Variants in ATM observed in about 807,000 individuals in gnomAD.
ATM encodes the protein ATM serine/threonine kinase, also known as serine-protein kinase ATM.
Under a neutral mutation model 387.0 loss-of-function variants are expected in ATM, and 308 were observed. The ratio of observed to expected loss-of-function variants is 0.80; its 90% confidence interval spans 0.73 to 0.87. The LOEUF is 0.87. Ranked by LOEUF, ATM falls within the 40% of genes least tolerant of loss-of-function variation. The probability of loss-of-function intolerance (pLI) is 0.00; values close to 1 mark genes in which losing one functional copy is unlikely to be tolerated. For missense variants in ATM, 3,312 were observed against 3,560.9 expected (o/e 0.93, Z 1.78); for synonymous variants, 1,156 against 1,187.3 (o/e 0.97, Z 0.54).
intron 5 of ATM, among the ~76,000 whole-genome samples, chr11:108,243,658 C>T (rs1331543995): frequency 6.6e-6 from 1 of 152,128 alleles, no homozygotes; most frequent in Non-Finnish European, 1.5e-5. Context: ...ACTGTAAGTG[C>T]TTTCTTAGGC....
intron 61 of ATM, among the ~76,000 whole-genome samples, chr11:108,362,497 C>T (rs1463276594): frequency 6.7e-6 from 1 of 149,570 alleles, no homozygotes; most frequent in African/African-American, 2.4e-5. Context: ...GACACATGCA[C>T]ACGTATGTTT....
intron 25 of ATM, among the ~76,000 whole-genome samples, chr11:108,283,731 A>G: frequency 6.6e-6 from 1 of 152,146 alleles, no homozygotes; most frequent in South Asian, 2.1e-4. Flanking sequence ...CAAGTCACCA[A>G]GTTGGCCCTG....
At chr11:108,274,345 T>TTG (rs139847855) in intron 22 of ATM, among the ~76,000 whole-genome samples, 4 of 151,524 alleles carry the variant, frequency 2.6e-5, no homozygotes, top group African/African-American at 7.3e-5. Context: ...AAGGTTTTTT[T>TTG]TGTGTGTGTG....
chr11:108,303,893 C>T (rs540119230), intron 36 of ATM, among the ~76,000 whole-genome samples: 1 of 152,256 alleles, frequency 6.6e-6, no homozygotes, highest in African/African-American at 2.4e-5. Context: ...GTACACACCC[C>T]ATTTGTGGTA....
chr11:108,298,512 C>T (rs928388334), intron 33 of ATM, among the ~76,000 whole-genome samples: 1 of 152,198 alleles, frequency 6.6e-6, no homozygotes, highest in South Asian at 2.1e-4. Flanking sequence ...ACCTCCTTGT[C>T]CATAGTGGCA....
At chr11:108,258,273 A>G (rs968569506) in intron 15 of ATM, among the ~76,000 whole-genome samples, 1 of 152,250 alleles carries the variant, frequency 6.6e-6, no homozygotes, top group Non-Finnish European at 1.5e-5. Context: ...AATAAGCAAT[A>G]GGAATCTGAG....
At chr11:108,361,869 A>G (rs1237135761) in intron 61 of ATM, among the ~76,000 whole-genome samples, 58 of 151,492 alleles carry the variant, frequency 3.8e-4, no homozygotes, top group Non-Finnish European at 7.5e-4. Context: ...AGGCATTACC[A>G]TTCAGGACAT....
At chr11:108,292,529 G>A in intron 29 of ATM, 90 bp from the exon 30 acceptor site, 1 of 1,442,936 alleles carries the variant, frequency 6.9e-7, no homozygotes, top group Non-Finnish European at 9.7e-7. Flanking sequence ...AATTAGAGAT[G>A]CTGAACAAAA....
rs767516955 is a variant in ATM at position 108,287,677 on chromosome 11, T to C, written c.4071T>C (p.Ser1357=). ...TGACGTTACATGAGCCAGCAAATTC[T>C]AGTGCCAGTCAGAGCACTGACCTCT... is the stretch of plus-strand genomic sequence containing the variant. ...LLMTLHEPAN[S]SASQSTDLCD... is the part of the protein sequence containing the mutation. The change falls in exon 27 of 63, where the codon TCT becomes TCC. Residue 1357 remains serine (S), a synonymous_variant. Transcript: ENST00000675843. 2.3e-5 allele frequency: 37 copies of C among 1,613,748 alleles called. No homozygotes were observed. The highest frequency in any genetic ancestry group is 3.1e-5 in the Non-Finnish European group (37 of 1,179,908).
rs192810283 is a variant in ATM at position 108,271,407 on chromosome 11, G to T, written c.3077+1G>T. 1 of 1,613,936 alleles carries T rather than the reference G, an allele frequency of 6.2e-7. No individual in the cohort carries two copies. Among genetic ancestry groups the T allele is most frequent in the East Asian group, 2.2e-5 (1 of 44,836 alleles). The stretch of plus-strand genomic sequence containing the variant: ...TTCTTACAGTAATTGGAGCATTTTG[G>T]TAGGTACAGTCTATTTTGTGGTCCT... On this transcript the variant is annotated splice_donor_variant, in intron 20 of 62. Coordinates refer to ENST00000675843, the MANE Select transcript of ATM (RefSeq NM_000051.4). LOFTEE classifies it high-confidence loss of function.
chr11:108,293,621 C>T (rs1241223770), intron 31 of ATM, 144 bp downstream of exon 31: 1 of 753,976 alleles, frequency 1.3e-6, no homozygotes, highest in Non-Finnish European at 2.1e-6. Context: ...CACATTGGCT[C>T]ATGCCTATAA....
chr11:108,247,630 C>G (rs1048737249), intron 8 of ATM, among the ~76,000 whole-genome samples: 1 of 152,164 alleles, frequency 6.6e-6, no homozygotes, highest in Non-Finnish European at 1.5e-5. Flanking sequence ...GAGTCTTGCT[C>G]TGTCACCCAG....
At chr11:108,322,981 G>A (rs1591116496) in intron 45 of ATM, among the ~76,000 whole-genome samples, 1 of 151,928 alleles carries the variant, frequency 6.6e-6, no homozygotes, top group Non-Finnish European at 1.5e-5. Context: ...CATTTCTAAA[G>A]TCAGGGATTT....
chr11:108,355,064 C>CA (rs2089730753), intron 61 of ATM, 190 bp downstream of exon 61: 4 of 594,462 alleles, frequency 6.7e-6, no homozygotes, highest in Non-Finnish European at 1.2e-5. Flanking sequence ...GAAATGCCTT[C>CA]AGCCCCCTTG....
intron 22 of ATM, 42 bp downstream of exon 22, chr11:108,272,894 A>T: frequency 6.2e-7 from 1 of 1,612,734 alleles, no homozygotes; most frequent in Non-Finnish European, 8.5e-7. Context: ...AATGCTGCAG[A>T]TGGCAGTAGA....
At chr11:108,353,985 G>A in intron 60 of ATM, 105 bp downstream of exon 60, 2 of 1,137,872 alleles carry the variant, frequency 1.8e-6, no homozygotes, top group Non-Finnish European at 2.6e-6. Context: ...AGAGGCTGAA[G>A]TGGGAGGATT....
At position 108,236,076 on chromosome 11, in the gene ATM, C is replaced by G. The variant is rs1591476481; in HGVS notation, c.496+242C>G. 15 of 506,098 alleles carry G rather than the reference C, an allele frequency of 3.0e-5. No individual in the cohort carries two copies. In the East Asian group the frequency reaches 4.4e-4, roughly 15 times the overall value. 31.4% of individuals were successfully genotyped at this position (506,098 alleles called of 1,614,324 possible). A position where few individuals can be genotyped will look rare whatever the true frequency, so the allele number is the denominator to read the frequency against. ...GAGCCGGAATTACAGTTGAAAAATACCATCTCCATCGTCAAGGAGTTGACA... is the reference window on the plus strand; with the variant it reads ...GAGCCGGAATTACAGTTGAAAAATAGCATCTCCATCGTCAAGGAGTTGACA... On this transcript the variant is annotated intron_variant, in intron 5 of 62. Transcript: ENST00000675843.
intron 44 of ATM, among the ~76,000 whole-genome samples, chr11:108,321,094 G>A (rs1285167396): frequency 2.6e-5 from 4 of 152,162 alleles, no homozygotes; most frequent in Non-Finnish European, 4.4e-5. Flanking sequence ...AACTCTGAGT[G>A]TAAGTGGACC....
At position 108,272,708 on chromosome 11, in the gene ATM, T is replaced by C. The variant is rs1172173918; in HGVS notation, c.3154-14T>C. ...TTCTCTATTTCATATTTAACCACAG[T>C]TCTTTTCCCGTAGGCTGATCCTTAT... On this transcript the variant is annotated splice_polypyrimidine_tract_variant and intron_variant, in intron 21 of 62. Coordinates refer to ENST00000675843, the MANE Select transcript of ATM (RefSeq NM_000051.4). 6.2e-7 allele frequency: 1 copy of C among 1,613,958 alleles called. No individual in the cohort carries two copies.
Sources: allele counts gnomAD v4.1 joint callset (sites outside exome capture counted in the v4.1 genomes callset), GRCh38; gene constraint gnomAD v4.1.1; transcripts MANE v1.5; gene names NCBI Gene and HGNC (gene_info 2026-07-23, HGNC 2026-07-21).